MGMT: variants seen among roughly 807,000 people sequenced by gnomAD.
The protein encoded by MGMT is methylated-DNA--protein-cysteine methyltransferase.
In MGMT, 14 loss-of-function variants were observed where a neutral mutation model predicts 15.9. The ratio of observed to expected loss-of-function variants is 0.88; its 90% confidence interval spans 0.58 to 1.37. The LOEUF (loss-of-function observed/expected upper bound fraction) is 1.37, where lower values mean the gene tolerates loss of function less well. Among genes scored for constraint, MGMT ranks in the 40% most tolerant of loss-of-function variants. MGMT has a pLI of 0.00. For missense variants in MGMT, 282 were observed against 268.1 expected (o/e 1.05, Z -0.36); for synonymous variants, 130 against 118.2 (o/e 1.10, Z -0.65).
intron 2 of MGMT, among the ~76,000 whole-genome samples, chr10:129,550,278 G>A (rs1014255119): frequency 1.3e-5 from 2 of 148,736 alleles, no homozygotes; most frequent in Non-Finnish European, 3.0e-5. Flanking sequence ...AGCCATCACC[G>A]CCACCCAGCA....
At chr10:129,637,856 A>C (rs1847279858) in intron 2 of MGMT, among the ~76,000 whole-genome samples, 1 of 152,218 alleles carries the variant, frequency 6.6e-6, no homozygotes, top group African/African-American at 2.4e-5. Context: ...CAACTCTGCC[A>C]ACACCTTGAA....
chr10:129,721,322 G>C (rs1848368888), intron 3 of MGMT, among the ~76,000 whole-genome samples: 2 of 152,260 alleles, frequency 1.3e-5, no homozygotes, highest in Admixed American at 1.3e-4. Flanking sequence ...CGCGAGAAGA[G>C]GGAACTATAC....
At chr10:129,546,166 C>G (rs1295853689) in intron 2 of MGMT, among the ~76,000 whole-genome samples, 1 of 152,232 alleles carries the variant, frequency 6.6e-6, no homozygotes, top group Non-Finnish European at 1.5e-5. Flanking sequence ...GACCAGATGG[C>G]AGGCCCTGCA....
At chr10:129,613,420 G>A (rs944185835) in intron 2 of MGMT, among the ~76,000 whole-genome samples, 6 of 152,174 alleles carry the variant, frequency 3.9e-5, no homozygotes, top group Non-Finnish European at 8.8e-5. Context: ...GGAAGGAAAT[G>A]GTGCCCCTTT....
intron 2 of MGMT, among the ~76,000 whole-genome samples, chr10:129,686,750 C>CGGT (rs1847908852): frequency 2.6e-5 from 4 of 152,128 alleles, no homozygotes; most frequent in Non-Finnish European, 5.9e-5. Context: ...GCATAGGTGA[C>CGGT]ATCATGCGAA....
At chr10:129,478,794 G>T (rs999627852) in intron 1 of MGMT, among the ~76,000 whole-genome samples, 28 of 152,328 alleles carry the variant, frequency 1.8e-4, no homozygotes, top group Admixed American at 1.4e-3. Context: ...CAGAGTCCTG[G>T]CTTGGGGAAT....
rs1309226099 is a variant in MGMT at position 129,566,279 on chromosome 10, C to T, written c.125+29902C>T. ...AGAGCTCCTGGAGGCCGAGCACAAG[C>T]CTTGGGCAGAGGTGAGGCAGAGCTC... On this transcript the variant is annotated intron_variant, in intron 2 of 4. Transcript: ENST00000651593. This position sits in a 1 kb window ranked among gnomAD's most constrained non-coding sequence, Gnocchi z 4.1. Among the ~76,000 whole-genome samples the T allele has an allele frequency of 6.6e-6, 1 of 152,206 alleles. No individual in the cohort carries two copies. The highest frequency in any genetic ancestry group is 1.5e-5 in the Non-Finnish European group (1 of 68,036).
intron 2 of MGMT, among the ~76,000 whole-genome samples, chr10:129,612,740 G>C (rs904055150): frequency 7.9e-5 from 12 of 152,188 alleles, no homozygotes; most frequent in African/African-American, 2.9e-4. Context: ...TGTTACAGGT[G>C]GTTCCAGAGA....
chr10:129,682,079 C>T (rs578219597), intron 2 of MGMT, among the ~76,000 whole-genome samples: 2 of 152,234 alleles, frequency 1.3e-5, no homozygotes, highest in South Asian at 2.1e-4. Context: ...TCGGAGACCA[C>T]GTGGCCACTT....
At chr10:129,743,049 C>T (rs1848654477) in intron 3 of MGMT, among the ~76,000 whole-genome samples, 1 of 152,210 alleles carries the variant, frequency 6.6e-6, no homozygotes, top group Non-Finnish European at 1.5e-5. Context: ...AATCCTACCA[C>T]CTAATCACTG....
Position 129,763,408 on chromosome 10 carries a change from A to G in MGMT, c.415-3380A>G, listed in dbSNP as rs74160285. On this transcript the variant is annotated intron_variant, in intron 4 of 4. Transcript: ENST00000651593. Reference sequence around the variant, plus strand: ...ATTTCTAACGGTAAAAATAGTGCCTATTTGGTAAGTCACCTCTTCCCCATC... The same window carrying G: ...ATTTCTAACGGTAAAAATAGTGCCTGTTTGGTAAGTCACCTCTTCCCCATC... Among the ~76,000 whole-genome samples the G allele has an allele frequency of 5.3e-3, 807 of 152,258 alleles. 6 individuals are homozygous for G. The highest frequency in any genetic ancestry group is 0.018 in the African/African-American group (746 of 41,554).
In MGMT at chr10:129,768,480, T is replaced by C. The variant is rs529820341; in HGVS notation, c.*1483T>C. Among the ~76,000 whole-genome samples the C allele has an allele frequency of 1.3e-5, 2 of 152,364 alleles. No individual in the cohort carries two copies. The highest frequency in any genetic ancestry group is 2.9e-5 in the Non-Finnish European group (2 of 68,040). ...CCGCACGCCGCGTCACCGTCAGGAC[T>C]CGCAGGCTGTCTGGTCATTTTTGAC... is the stretch of plus-strand genomic sequence containing the variant. On this transcript the variant is annotated 3_prime_UTR_variant, in exon 5 of 5. Coordinates refer to ENST00000651593, the MANE Select transcript of MGMT (RefSeq NM_002412.5).
At chr10:129,509,257 T>G (rs7080949) in intron 1 of MGMT, among the ~76,000 whole-genome samples, 9,127 of 152,286 alleles carry the variant, frequency 0.06, 387 homozygotes, top group Admixed American at 0.079. Context: ...TTCATGATGG[T>G]TTAATTTTTA....
chr10:129,751,384 C>T (rs1361984389), intron 3 of MGMT, among the ~76,000 whole-genome samples: 1 of 151,780 alleles, frequency 6.6e-6, no homozygotes, highest in Non-Finnish European at 1.5e-5. Context: ...CTCTTTTATT[C>T]CTGATATTGA....
chr10:129,670,632 G>A (rs1275794625), intron 2 of MGMT, among the ~76,000 whole-genome samples: 2 of 152,170 alleles, frequency 1.3e-5, no homozygotes, highest in Non-Finnish European at 2.9e-5. Context: ...CTGAGAAAGA[G>A]ATTACAAATT....
chr10:129,505,650 A>G (rs761535970), intron 1 of MGMT, among the ~76,000 whole-genome samples: 12 of 152,172 alleles, frequency 7.9e-5, no homozygotes, highest in African/African-American at 2.9e-4. Flanking sequence ...TGCTTATTGT[A>G]CATTCATCAT....
At chr10:129,547,114 T>G (rs1846105817) in intron 2 of MGMT, among the ~76,000 whole-genome samples, 1 of 152,194 alleles carries the variant, frequency 6.6e-6, no homozygotes, top group Non-Finnish European at 1.5e-5. Flanking sequence ...GTTTGTTCAG[T>G]TTCCCTCTAG....
intron 1 of MGMT, among the ~76,000 whole-genome samples, chr10:129,503,940 T>A (rs1407623072): frequency 6.6e-6 from 1 of 152,226 alleles, no homozygotes; most frequent in Non-Finnish European, 1.5e-5. Context: ...ATGTGTTTTG[T>A]TTCCCTGTCT....
At chr10:129,663,291 G>A (rs920878773) in intron 2 of MGMT, among the ~76,000 whole-genome samples, 9 of 152,204 alleles carry the variant, frequency 5.9e-5, no homozygotes, top group South Asian at 2.1e-4. Flanking sequence ...ATAAACCAAC[G>A]TAATAGAATG....
Sources: allele counts gnomAD v4.1 joint callset (sites outside exome capture counted in the v4.1 genomes callset), GRCh38; gene constraint gnomAD v4.1.1; non-coding constraint Gnocchi (gnomAD v3.1); transcripts MANE v1.5; gene names NCBI Gene and HGNC (gene_info 2026-07-23, HGNC 2026-07-21).